The following NFIX variants were observed in gnomAD, a reference collection of about 807,000 sequenced individuals.
NFIX encodes the protein nuclear factor 1 X-type.
A neutral mutation model predicts 53.3 loss-of-function variants in NFIX; 2 were observed. That is an observed-to-expected ratio of 0.04 (90% CI 0.02 to 0.12). NFIX has a LOEUF of 0.12. NFIX is among the 10% of genes least tolerant of loss of function. NFIX has a pLI of 1.00. For missense variants in NFIX, 310 were observed against 674.5 expected, an observed-to-expected ratio of 0.46 and a Z score of 5.99; for synonymous variants, 244 against 289.0, an observed-to-expected ratio of 0.84 and a Z score of 1.58.
chr19:13,088,215 G>A lies in NFIX; in HGVS notation c.1402+79G>A, dbSNP rs1568331700. On this transcript the variant is annotated intron_variant, in intron 9 of 10. Transcript: ENST00000592199. This position sits in a 1 kb window ranked among gnomAD's most constrained non-coding sequence, Gnocchi z 5.9. ...AACAGTCTCCACTGCAAAAAGAAAA[G>A]CCTTCCCCCTCCCCACCACCAAAGC... The A allele has an allele frequency of 6.7e-7, 1 of 1,484,942 alleles. No individual in the cohort carries two copies. Among genetic ancestry groups the A allele is most frequent in the Non-Finnish European group, 9.0e-7 (1 of 1,109,922 alleles). 92.0% of individuals were successfully genotyped at this position (1,484,942 alleles called of 1,614,324 possible).
rs2015387034 is a variant in NFIX, at chr19:13,052,475, A to G, written c.560-20572A>G. 6.6e-6 allele frequency among the ~76,000 whole-genome samples: 1 copy of G among 152,204 alleles called. No homozygotes were observed. Among genetic ancestry groups the G allele is most frequent in the Non-Finnish European group, 1.5e-5 (1 of 68,034 alleles). On this transcript the variant is annotated intron_variant, in intron 2 of 10. Transcript: ENST00000592199. The surrounding 1 kb of genome is among the most constrained non-coding windows in gnomAD (Gnocchi z 5.2). Reference sequence around the variant, plus strand: ...GGTGACGATGCAGGAGCTGCCAGGCAGGACCACCATGAGTCACTGGGGGTC... The same window carrying G: ...GGTGACGATGCAGGAGCTGCCAGGCGGGACCACCATGAGTCACTGGGGGTC...
At chr19:13,030,040 C>T (rs1160887543) in intron 2 of NFIX, among the ~76,000 whole-genome samples, 1 of 152,200 alleles carries the variant, frequency 6.6e-6, no homozygotes, top group Non-Finnish European at 1.5e-5. Context: ...GCCGCTTTCT[C>T]CAGGTCCACC....
In NFIX at chr19:13,081,986, G is replaced by C; in HGVS notation, c.1254+131G>C. 9.6e-7 allele frequency: 1 copy of C among 1,038,946 alleles called. No individual in the cohort carries two copies. Among genetic ancestry groups the C allele is most frequent in the South Asian group, 1.6e-5 (1 of 63,858 alleles). 64.4% of individuals were successfully genotyped at this position (1,038,946 alleles called of 1,614,324 possible). ...GGGCTGGAGCAGCAGGGAGCTGGTAGTACCAAACGCCTCGATTTTCTGGGT... is the reference window on the plus strand; with the variant it reads ...GGGCTGGAGCAGCAGGGAGCTGGTACTACCAAACGCCTCGATTTTCTGGGT... On this transcript the variant is annotated intron_variant, in intron 8 of 10. Coordinates refer to ENST00000592199, the MANE Select transcript of NFIX (RefSeq NM_001365902.3). This position sits in a 1 kb window ranked among gnomAD's most constrained non-coding sequence, Gnocchi z 4.7.
Position 13,020,461 on chromosome 19 carries a change from A to G in NFIX, c.28-4560A>G, listed in dbSNP as rs144433901. The stretch of plus-strand genomic sequence containing the variant: ...AGACCTTCTCATCTCCCGAAGCATC[A>G]GAATATCCTGGCCACTCCTCCAGAA... On this transcript the variant is annotated intron_variant, in intron 1 of 10. Coordinates refer to ENST00000592199, the MANE Select transcript of NFIX (RefSeq NM_001365902.3). Among the ~76,000 whole-genome samples, 4 of 152,336 alleles carry G rather than the reference A, an allele frequency of 2.6e-5. No individual in the cohort carries two copies. In the East Asian group the frequency reaches 7.7e-4, roughly 29 times the overall value.
rs1351847895 is a variant in NFIX at position 13,021,908 on chromosome 19, TG to T, written c.28-3112del. 1.3e-5 allele frequency among the ~76,000 whole-genome samples: 2 copies of T among 152,168 alleles called. No individual in the cohort carries two copies. The highest frequency in any genetic ancestry group is 2.9e-5 in the Non-Finnish European group (2 of 68,038). ...TTTGATAGAGCCCTTTGCTGTTTTT[TG>T]TTGTGTCCTTTCTTAGCTCTTTTCT... On this transcript the variant is annotated intron_variant, in intron 1 of 10. Coordinates refer to ENST00000592199, the MANE Select transcript of NFIX (RefSeq NM_001365902.3). The surrounding 1 kb of genome is among the most constrained non-coding windows in gnomAD (Gnocchi z 4.2).
intron 1 of NFIX, chr19:13,024,026 A>G: frequency 6.8e-7 from 1 of 1,478,874 alleles, no homozygotes; most frequent in Non-Finnish European, 8.9e-7. Flanking sequence ...CGGGTGCTTC[A>G]GATCAATGGT....
chr19:13,042,099 G>C (rs1213875464), intron 2 of NFIX, among the ~76,000 whole-genome samples: 3 of 151,086 alleles, frequency 2.0e-5, no homozygotes, highest in African/African-American at 7.3e-5. Context: ...GTAGAGACAG[G>C]GTTTCACCAT....
intron 2 of NFIX, among the ~76,000 whole-genome samples, chr19:13,054,736 G>T (rs1233931003): frequency 6.6e-6 from 1 of 152,156 alleles, no homozygotes; most frequent in Non-Finnish European, 1.5e-5. Context: ...ATACAGGGTG[G>T]TTGGTGCCTA....
rs2012239448 is a variant in NFIX at position 13,009,978 on chromosome 19, G to GC, written c.27+14117dup. Among the ~76,000 whole-genome samples the GC allele has an allele frequency of 6.6e-6, 1 of 152,178 alleles. No individual in the cohort carries two copies. The highest frequency in any genetic ancestry group is 2.1e-4 in the South Asian group (1 of 4,834). On this transcript the variant is annotated intron_variant, in intron 1 of 10. Coordinates refer to ENST00000592199, the MANE Select transcript of NFIX (RefSeq NM_001365902.3). This position sits in a 1 kb window ranked among gnomAD's most constrained non-coding sequence, Gnocchi z 4.7. Reference sequence around the variant, plus strand: ...ACACAGGTGGAGTGGCCCACCTTGGGCCCGGGGGGGCCTCCAGGAGCCCCC... The same window carrying GC: ...ACACAGGTGGAGTGGCCCACCTTGGGCCCCGGGGGGGCCTCCAGGAGCCCCC...
intron 1 of NFIX, among the ~76,000 whole-genome samples, chr19:13,008,753 G>GC (rs950101216): frequency 2.0e-5 from 3 of 152,034 alleles, no homozygotes; most frequent in African/African-American, 7.2e-5. Flanking sequence ...CCCTCCTTTG[G>GC]CCCCCCTCCA....
At chr19:13,032,540 A>C (rs2013894168) in intron 2 of NFIX, among the ~76,000 whole-genome samples, 1 of 152,292 alleles carries the variant, frequency 6.6e-6, no homozygotes, top group African/African-American at 2.4e-5. Flanking sequence ...TTTTTGTCCC[A>C]GATTCCGCCT....
At position 13,012,005 on chromosome 19, in the gene NFIX, T is replaced by A. The variant is rs2012374609; in HGVS notation, c.28-13016T>A. On this transcript the variant is annotated intron_variant, in intron 1 of 10. Coordinates refer to ENST00000592199, the MANE Select transcript of NFIX (RefSeq NM_001365902.3). This position sits in a 1 kb window ranked among gnomAD's most constrained non-coding sequence, Gnocchi z 5.0. The stretch of plus-strand genomic sequence containing the variant: ...GTGCTGACGGTCACTGTCACTTGCA[T>A]CGCACACTGAGGGGTGGGAGAGGAC... Among the ~76,000 whole-genome samples, 2 of 152,088 alleles carry A rather than the reference T, an allele frequency of 1.3e-5. No homozygotes were observed. Among genetic ancestry groups the A allele is most frequent in the Non-Finnish European group, 2.9e-5 (2 of 68,010 alleles).
intron 2 of NFIX, among the ~76,000 whole-genome samples, chr19:13,035,693 C>T (rs1344371444): frequency 6.6e-6 from 1 of 152,096 alleles, no homozygotes; most frequent in Non-Finnish European, 1.5e-5. Context: ...AACTACTGTC[C>T]TGTGCCTGAG....
At chr19:13,041,557 G>A (rs968662071) in intron 2 of NFIX, among the ~76,000 whole-genome samples, 3 of 152,084 alleles carry the variant, frequency 2.0e-5, no homozygotes, top group African/African-American at 4.8e-5. Flanking sequence ...AGCACTTTGG[G>A]AGGCCGAGGC....
At chr19:13,035,892 G>T (rs529718168) in intron 2 of NFIX, among the ~76,000 whole-genome samples, 4 of 152,168 alleles carry the variant, frequency 2.6e-5, no homozygotes, top group Admixed American at 1.3e-4. Context: ...ACCCTTGCCC[G>T]CATCATCCCA....
intron 1 of NFIX, among the ~76,000 whole-genome samples, chr19:13,020,311 A>G (rs761357324): frequency 3.3e-5 from 5 of 152,206 alleles, no homozygotes; most frequent in Non-Finnish European, 5.9e-5. Flanking sequence ...AGTGGCATGC[A>G]GGAGGAGGGG....
intron 1 of NFIX, among the ~76,000 whole-genome samples, chr19:12,999,330 G>A (rs569879186): frequency 1.3e-5 from 2 of 151,732 alleles, no homozygotes; most frequent in Non-Finnish European, 2.9e-5. Flanking sequence ...CCGCCACCAC[G>A]CCCGGGTAAT....
At chr19:13,059,789 T>TC (rs1200441842) in intron 2 of NFIX, among the ~76,000 whole-genome samples, 1 of 130,942 alleles carries the variant, frequency 7.6e-6, no homozygotes, top group African/African-American at 3.3e-5. Flanking sequence ...TTTTTTTTTT[T>TC]TTTTTTTTTT....
At chr19:13,018,651 G>T (rs781455705) in intron 1 of NFIX, among the ~76,000 whole-genome samples, 3 of 152,204 alleles carry the variant, frequency 2.0e-5, no homozygotes, top group Non-Finnish European at 4.4e-5. Context: ...CAACTGAGGG[G>T]AGGCCCCACC....
Sources: allele counts gnomAD v4.1 joint callset (sites outside exome capture counted in the v4.1 genomes callset), GRCh38; gene constraint gnomAD v4.1.1; non-coding constraint Gnocchi (gnomAD v3.1); transcripts MANE v1.5; gene names NCBI Gene and HGNC (gene_info 2026-07-23, HGNC 2026-07-21).